Variants in CALN1 observed in about 807,000 individuals in gnomAD.
CALN1 encodes the protein calneuron 1.
Under a neutral mutation model 30.6 loss-of-function variants are expected in CALN1, and 17 were observed. The ratio of observed to expected loss-of-function variants is 0.56; its 90% CI spans 0.38 to 0.83. The LOEUF (loss-of-function observed/expected upper bound fraction) is 0.83. Ranked by LOEUF, CALN1 falls within the 40% of genes least tolerant of loss-of-function variation. The pLI, the probability that CALN1 is intolerant of heterozygous loss-of-function variation, is 0.00. For synonymous variants in CALN1, 156 were observed against 131.4 expected, an observed-to-expected ratio of 1.19 and a Z score of -1.28; for missense variants, 291 against 354.9, an observed-to-expected ratio of 0.82 and a Z score of 1.45.
At chr7:72,153,296 C>A (rs1055281954) in intron 3 of CALN1, among the ~76,000 whole-genome samples, 2 of 152,124 alleles carry the variant, frequency 1.3e-5, no homozygotes, top group African/African-American at 4.8e-5. Flanking sequence ...AGAGATCCTG[C>A]CTCTCTCTGC....
the CALN1 span, among the ~76,000 whole-genome samples, chr7:72,479,197 T>A: frequency 6.6e-6 from 1 of 152,172 alleles, no homozygotes; most frequent in Admixed American, 6.6e-5. Context: ...CACTTCTTGG[T>A]TGAAGTGTGT....
intron 3 of CALN1, among the ~76,000 whole-genome samples, chr7:72,252,667 C>A (rs576610880): frequency 5.3e-5 from 8 of 151,906 alleles, no homozygotes; most frequent in African/African-American, 1.9e-4. Flanking sequence ...ATCCAGAATC[C>A]CACTGCTCCT....
intron 5 of CALN1, among the ~76,000 whole-genome samples, chr7:71,980,820 T>C (rs979572774): frequency 3.3e-5 from 5 of 152,048 alleles, no homozygotes; most frequent in Admixed American, 2.0e-4. Context: ...GGGGTGCTCC[T>C]CCCCTCCTGT....
intron 2 of CALN1, among the ~76,000 whole-genome samples, chr7:72,377,436 C>CGTGTCTGTGT (rs1554393810): frequency 7.0e-6 from 1 of 142,336 alleles, no homozygotes; most frequent in Admixed American, 7.0e-5. Context: ...GCCACACTTT[C>CGTGTCTGTGT]GTGTGTGTGT....
At chr7:72,428,270 A>G (rs946126903) in intron 1 of CALN1, among the ~76,000 whole-genome samples, 3 of 152,254 alleles carry the variant, frequency 2.0e-5, no homozygotes, top group Non-Finnish European at 4.4e-5. Context: ...TCTGGACAAT[A>G]TACAAAAGAG....
At chr7:72,300,821 C>G (rs577933417) in intron 2 of CALN1, among the ~76,000 whole-genome samples, 21 of 151,616 alleles carry the variant, frequency 1.4e-4, no homozygotes, top group African/African-American at 5.1e-4. Flanking sequence ...GGCGAAACCC[C>G]GTCTCTACCA....
At chr7:72,498,996 T>A in the CALN1 span, among the ~76,000 whole-genome samples, 3 of 152,104 alleles carry the variant, frequency 2.0e-5, no homozygotes, top group Non-Finnish European at 4.4e-5. Context: ...AGGAATTAGT[T>A]AATATTGGGG....
chr7:72,349,320 G>GTGTGTGTGTGTGTGTGTGTT (rs1802808098), intron 2 of CALN1, among the ~76,000 whole-genome samples: 1 of 119,216 alleles, frequency 8.4e-6, no homozygotes, highest in Non-Finnish European at 1.8e-5. Context: ...GTGTGTGTGT[G>GTGTGTGTGTGTGTGTGTGTT]TGTTGGGAAG....
intron 3 of CALN1, among the ~76,000 whole-genome samples, chr7:72,148,792 T>A (rs1355258365): frequency 1.3e-5 from 2 of 151,794 alleles, no homozygotes; most frequent in African/African-American, 4.8e-5. Context: ...GTAATCCCAG[T>A]TACTCAGGAG....
At chr7:72,239,765 C>T (rs1342121846) in intron 3 of CALN1, among the ~76,000 whole-genome samples, 1 of 152,132 alleles carries the variant, frequency 6.6e-6, no homozygotes, top group Non-Finnish European at 1.5e-5. Context: ...CATGTGCCCT[C>T]GATCCCAACA....
chr7:72,156,903 T>A (rs1311410500), intron 3 of CALN1, among the ~76,000 whole-genome samples: 1 of 152,148 alleles, frequency 6.6e-6, no homozygotes, highest in East Asian at 1.9e-4. Flanking sequence ...CATGCACTTG[T>A]AAGTCTCTGT....
chr7:72,208,013 C>CAA (rs1792020431), intron 3 of CALN1, among the ~76,000 whole-genome samples: 1 of 152,148 alleles, frequency 6.6e-6, no homozygotes, highest in Non-Finnish European at 1.5e-5. Context: ...TATTGTTAAA[C>CAA]TCAGAAGATC....
At chr7:72,135,903 T>G (rs966841355) in intron 3 of CALN1, among the ~76,000 whole-genome samples, 16 of 151,872 alleles carry the variant, frequency 1.1e-4, no homozygotes, top group Non-Finnish European at 1.9e-4. Flanking sequence ...GAGGCCGAGG[T>G]GGGTGGATCA....
intron 4 of CALN1, among the ~76,000 whole-genome samples, chr7:72,035,092 CCTT>C (rs774268530): frequency 4.6e-5 from 7 of 152,094 alleles, no homozygotes; most frequent in South Asian, 2.1e-4. Context: ...CATGACAGCT[CCTT>C]CTTTTTTCTT....
At chr7:72,220,145 C>T (rs1275056481) in intron 3 of CALN1, among the ~76,000 whole-genome samples, 1 of 150,198 alleles carries the variant, frequency 6.7e-6, no homozygotes, top group Non-Finnish European at 1.5e-5. Context: ...CACCCATTAA[C>T]TCGTCATTTA....
intron 3 of CALN1, among the ~76,000 whole-genome samples, chr7:72,118,192 A>G (rs1041032939): frequency 4.6e-5 from 7 of 152,178 alleles, no homozygotes; most frequent in African/African-American, 1.4e-4. Context: ...TTCCCTAGCT[A>G]TCATTCTTAA....
rs1393485617 is a variant in CALN1 at position 71,782,127 on chromosome 7, T to C, written c.*5648A>G. ...TGATCTCATTGCTCCAAACCAATCA[T>C]AGAGGCTGGATATTTGTTCCCCCCA... On this transcript the variant is annotated 3_prime_UTR_variant, in exon 7 of 7. Coordinates refer to ENST00000395275, the MANE Select transcript of CALN1 (RefSeq NM_031468.4). 6.6e-6 allele frequency: 1 copy of C among 152,180 alleles called. No homozygotes were observed. Among genetic ancestry groups the C allele is most frequent in the African/African-American group, 2.4e-5 (1 of 41,432 alleles). The allele number at this position is 152,180 out of a possible 1,614,324, so 9.4% of individuals were successfully genotyped here.
chr7:72,259,752 A>G lies in CALN1; in HGVS notation c.244+18934T>C, dbSNP rs182806381. 3.6e-3 allele frequency among the ~76,000 whole-genome samples: 551 copies of G among 152,206 alleles called. 1 individual carries two copies. Among genetic ancestry groups the G allele is most frequent in the South Asian group, 6.8e-3 (33 of 4,822 alleles). On this transcript the variant is annotated intron_variant, in intron 3 of 6. Transcript: ENST00000395275. ...TCTGTATTTTTAAATTCCCATGCCA[A>G]CTTCTCCCCAACTCATTGCTCCTTC...
intron 2 of CALN1, among the ~76,000 whole-genome samples, chr7:72,377,436 C>CGTGTGTGTGTGTGTGTGTGTGT (rs138060244): frequency 1.4e-5 from 2 of 142,336 alleles, no homozygotes; most frequent in East Asian, 4.3e-4. Flanking sequence ...GCCACACTTT[C>CGTGTGTGTGTGTGTGTGTGTGT]GTGTGTGTGT....
Sources: allele counts gnomAD v4.1 joint callset (sites outside exome capture counted in the v4.1 genomes callset), GRCh38; gene constraint gnomAD v4.1.1; transcripts MANE v1.5; gene names NCBI Gene and HGNC (gene_info 2026-07-23, HGNC 2026-07-21).